HCN1: variants seen among roughly 807,000 people sequenced by gnomAD.
HCN1 encodes hyperpolarization activated cyclic nucleotide gated potassium channel 1, also known as potassium/sodium hyperpolarization-activated cyclic nucleotide-gated channel 1.
In HCN1, 13 loss-of-function variants were observed where a neutral mutation model predicts 78.9. The ratio of observed to expected loss-of-function variants is 0.16; its 90% CI spans 0.11 to 0.26. The LOEUF is 0.26. Ranked by LOEUF, HCN1 falls within the 10% of genes least tolerant of loss-of-function variation. The probability of loss-of-function intolerance (pLI) is 1.00; values close to 1 mark genes in which losing one functional copy is unlikely to be tolerated. For synonymous variants in HCN1, 552 were observed against 455.5 expected (o/e 1.21, Z -2.70); for missense variants, 810 against 1,154.3 (o/e 0.70, Z 4.32).
chr5:45,364,025 A>C (rs1445949481), intron 4 of HCN1, among the ~76,000 whole-genome samples: 7 of 152,056 alleles, frequency 4.6e-5, no homozygotes, highest in Admixed American at 4.6e-4. Flanking sequence ...AGGCTCTGCT[A>C]CTAGGAGATT....
intron 3 of HCN1, among the ~76,000 whole-genome samples, chr5:45,438,434 T>C (rs1035820289): frequency 6.6e-6 from 1 of 151,512 alleles, no homozygotes; most frequent in Non-Finnish European, 1.5e-5. Flanking sequence ...CTACTAAAAA[T>C]ATAAAAAATT....
intron 3 of HCN1, among the ~76,000 whole-genome samples, chr5:45,428,519 T>G (rs114285926): frequency 6.6e-6 from 1 of 152,096 alleles, no homozygotes; most frequent in South Asian, 2.1e-4. Context: ...TTTGTAAAAA[T>G]GAATTACATT....
At chr5:45,595,144 CA>C (rs1744460735) in intron 2 of HCN1, among the ~76,000 whole-genome samples, 1 of 152,142 alleles carries the variant, frequency 6.6e-6, no homozygotes, top group Non-Finnish European at 1.5e-5. Context: ...CAGATATATA[CA>C]GTGTATAAAC....
chr5:45,327,471 T>C (rs1403771456), intron 5 of HCN1, among the ~76,000 whole-genome samples: 3 of 151,654 alleles, frequency 2.0e-5, no homozygotes, highest in Non-Finnish European at 4.4e-5. Flanking sequence ...AATATATGTA[T>C]ATGCACATGA....
intron 2 of HCN1, among the ~76,000 whole-genome samples, chr5:45,486,968 A>C (rs1380080006): frequency 2.6e-5 from 4 of 152,086 alleles, no homozygotes; most frequent in African/African-American, 4.8e-5. Flanking sequence ...TACAGTCTCT[A>C]CTGCCTAATT....
chr5:45,622,382 T>C (rs1271460816), intron 2 of HCN1, among the ~76,000 whole-genome samples: 1 of 152,148 alleles, frequency 6.6e-6, no homozygotes, highest in Non-Finnish European at 1.5e-5. Flanking sequence ...TTGCTCACCA[T>C]AATGAAAGAT....
chr5:45,374,004 TATACATAA>T (rs1747512053), intron 4 of HCN1, among the ~76,000 whole-genome samples: 1 of 74,352 alleles, frequency 1.3e-5, no homozygotes, highest in Admixed American at 1.7e-4. Context: ...ATATATATTA[TATACATAA>T]TATATATTAT....
chr5:45,292,047 T>C (rs1745388847), intron 6 of HCN1, among the ~76,000 whole-genome samples: 1 of 152,008 alleles, frequency 6.6e-6, no homozygotes, highest in South Asian at 2.1e-4. Flanking sequence ...TGGAATACAG[T>C]GTATTTTCAA....
intron 3 of HCN1, among the ~76,000 whole-genome samples, chr5:45,436,297 C>T (rs993583542): frequency 6.6e-6 from 1 of 152,146 alleles, no homozygotes; most frequent in South Asian, 2.1e-4. Flanking sequence ...ATAATGAATT[C>T]CCTACCTAAA....
chr5:45,422,571 G>A (rs1740250458), intron 3 of HCN1, among the ~76,000 whole-genome samples: 1 of 152,042 alleles, frequency 6.6e-6, no homozygotes, highest in African/African-American at 2.4e-5. Flanking sequence ...CAAACATTTA[G>A]TCCATAAAAA....
intron 2 of HCN1, among the ~76,000 whole-genome samples, chr5:45,585,127 C>A (rs1228253033): frequency 6.6e-6 from 1 of 152,186 alleles, no homozygotes; most frequent in Non-Finnish European, 1.5e-5. Flanking sequence ...GAGTGTTTTC[C>A]AACTTGGTTG....
intron 2 of HCN1, among the ~76,000 whole-genome samples, chr5:45,594,141 C>T (rs1262559672): frequency 6.6e-6 from 1 of 152,122 alleles, no homozygotes; most frequent in Admixed American, 6.6e-5. Flanking sequence ...TTCATGTCTC[C>T]CCAAGTGCCT....
chr5:45,306,901 G>A (rs1198211984), intron 5 of HCN1, among the ~76,000 whole-genome samples: 1 of 151,978 alleles, frequency 6.6e-6, no homozygotes, highest in African/African-American at 2.4e-5. Flanking sequence ...GTAATAAGTT[G>A]CTCCAGATTA....
At chr5:45,558,265 C>T (rs540267921) in intron 2 of HCN1, 10 of 152,080 alleles carry the variant, frequency 6.6e-5, no homozygotes, top group African/African-American at 9.7e-5. Context: ...GAGTGAGGTG[C>T]TAACTCTCTT....
At chr5:45,428,659 A>G (rs1269608878) in intron 3 of HCN1, among the ~76,000 whole-genome samples, 16 of 152,082 alleles carry the variant, frequency 1.1e-4, no homozygotes, top group Non-Finnish European at 2.9e-5. Context: ...AACTGATTTA[A>G]TATCTTTCAT....
intron 2 of HCN1, among the ~76,000 whole-genome samples, chr5:45,624,227 G>A (rs1184718785): frequency 6.6e-6 from 1 of 152,164 alleles, no homozygotes; most frequent in Non-Finnish European, 1.5e-5. Flanking sequence ...GCTGCTGTAT[G>A]AAACATAAGC....
intron 2 of HCN1, among the ~76,000 whole-genome samples, chr5:45,539,734 A>G (rs1419688564): frequency 2.0e-5 from 3 of 148,070 alleles, no homozygotes; most frequent in African/African-American, 7.3e-5. Flanking sequence ...ATTTAATATT[A>G]TTATTTTAAA....
chr5:45,496,593 CT>C (rs1449856980), intron 2 of HCN1, among the ~76,000 whole-genome samples: 1 of 152,122 alleles, frequency 6.6e-6, no homozygotes, highest in Non-Finnish European at 1.5e-5. Flanking sequence ...ATACTTCTCT[CT>C]TTTTTTCTTT....
At chr5:45,409,816 C>T (rs928249693) in intron 3 of HCN1, among the ~76,000 whole-genome samples, 1 of 151,502 alleles carries the variant, frequency 6.6e-6, no homozygotes, top group African/African-American at 2.4e-5. Flanking sequence ...ATTTCAGAAT[C>T]TCCATGATTA....
Sources: gnomAD v4.1 joint callset for allele counts (sites outside exome capture counted in the v4.1 genomes callset) on GRCh38, gnomAD v4.1.1 for gene constraint, MANE v1.5 for transcripts, NCBI Gene and HGNC (gene_info 2026-07-23, HGNC 2026-07-21) for gene names.